LRBA: variants seen among roughly 807,000 people sequenced by gnomAD.
The protein encoded by LRBA is LPS responsive beige-like anchor protein.
LRBA carries 176 observed loss-of-function variants against 330.0 expected under a neutral mutation model. The ratio of observed to expected loss-of-function variants is 0.53; its 90% CI spans 0.47 to 0.60. LRBA has a LOEUF of 0.60. LRBA is among the 20% of genes least tolerant of loss of function. The pLI is 0.00. For missense variants in LRBA, 3,259 were observed against 3,444.8 expected (o/e 0.95, Z 1.35); for synonymous variants, 1,230 against 1,193.0 (o/e 1.03, Z -0.64).
At chr4:150,333,092 TA>T (rs1365893875) in intron 48 of LRBA, among the ~76,000 whole-genome samples, 1 of 152,116 alleles carries the variant, frequency 6.6e-6, no homozygotes, top group Non-Finnish European at 1.5e-5. Context: ...TAAAGGAAAG[TA>T]AACTTGGCTT....
chr4:150,885,396 G>C (rs987576889), intron 17 of LRBA, among the ~76,000 whole-genome samples: 2 of 152,050 alleles, frequency 1.3e-5, no homozygotes, highest in African/African-American at 4.8e-5. Flanking sequence ...TGAGATGGGC[G>C]GGTAATTTGA....
At chr4:150,827,484 C>A (rs1416373397) in intron 30 of LRBA, among the ~76,000 whole-genome samples, 4 of 152,184 alleles carry the variant, frequency 2.6e-5, no homozygotes, top group Non-Finnish European at 5.9e-5. Flanking sequence ...TCAACCTCTT[C>A]TCTTCCTCCT....
At position 150,955,695 on chromosome 4, in the gene LRBA, C is replaced by A. The variant is rs1251844270; in HGVS notation, c.217-26630G>T. On this transcript the variant is annotated intron_variant, in intron 2 of 56. Coordinates refer to ENST00000651943, the MANE Select transcript of LRBA (RefSeq NM_001364905.1). ...TCTCCTGAGGTCAGGAGTTCAAGACCAGCCTGGCCAACATGGTGAAACCCC... is the reference window on the plus strand; with the variant it reads ...TCTCCTGAGGTCAGGAGTTCAAGACAAGCCTGGCCAACATGGTGAAACCCC... Among the ~76,000 whole-genome samples the A allele has an allele frequency of 3.4e-5, 5 of 148,688 alleles. No individual in the cohort carries two copies. In the East Asian group the frequency reaches 9.7e-4, roughly 29 times the overall value.
At chr4:150,447,962 G>T (rs181408285) in intron 44 of LRBA, among the ~76,000 whole-genome samples, 14 of 152,262 alleles carry the variant, frequency 9.2e-5, no homozygotes, top group Non-Finnish European at 1.6e-4. Context: ...GGAGGTCAAA[G>T]AATGCACTAG....
At chr4:150,734,284 TTG>T (rs1385410249) in intron 36 of LRBA, among the ~76,000 whole-genome samples, 3 of 152,056 alleles carry the variant, frequency 2.0e-5, no homozygotes, top group Non-Finnish European at 4.4e-5. Context: ...GTAAACAATT[TTG>T]TAATTCCAGT....
At chr4:150,554,097 T>C (rs751246014) in intron 40 of LRBA, among the ~76,000 whole-genome samples, 1 of 152,174 alleles carries the variant, frequency 6.6e-6, no homozygotes, top group Non-Finnish European at 1.5e-5. Context: ...TGAAGGAGTT[T>C]CTTGTGGGAT....
At chr4:150,721,482 C>CA in intron 36 of LRBA, 1 of 247,238 alleles carries the variant, frequency 4.0e-6, no homozygotes, top group Non-Finnish European at 7.8e-6. Flanking sequence ...CATTTAAGAC[C>CA]AAAAAAGAAA....
At chr4:150,836,483 G>C (rs959257816) in intron 28 of LRBA, among the ~76,000 whole-genome samples, 1 of 152,172 alleles carries the variant, frequency 6.6e-6, no homozygotes, top group African/African-American at 2.4e-5. Flanking sequence ...TTCAGAGCCT[G>C]CTATTGGTCT....
intron 26 of LRBA, among the ~76,000 whole-genome samples, chr4:150,845,202 A>C (rs1013904738): frequency 6.6e-6 from 1 of 152,216 alleles, no homozygotes; most frequent in East Asian, 1.9e-4. Flanking sequence ...CGAGGTAACA[A>C]TCTTCTATTA....
In LRBA at chr4:150,292,367, T is replaced by C. The variant is rs193299421; in HGVS notation, c.8018-6333A>G. Among the ~76,000 whole-genome samples, 70 of 152,340 alleles carry C rather than the reference T, an allele frequency of 4.6e-4. 1 individual carries two copies. The highest frequency in any genetic ancestry group is 3.9e-3 in the Admixed American group (59 of 15,298). On this transcript the variant is annotated intron_variant, in intron 53 of 56. Coordinates refer to ENST00000651943, the MANE Select transcript of LRBA (RefSeq NM_001364905.1). The stretch of plus-strand genomic sequence containing the variant: ...TCTTGGTGTTTTGGCGTCATCTCCT[T>C]ACTCTTATGAAAATCAGATCACTTT...
intron 2 of LRBA, among the ~76,000 whole-genome samples, chr4:150,943,021 G>A (rs1049342279): frequency 6.6e-6 from 1 of 152,064 alleles, no homozygotes; most frequent in Non-Finnish European, 1.5e-5. Context: ...CTACAAAATA[G>A]TCGAAATCTC....
chr4:150,343,237 T>C (rs553904999), intron 48 of LRBA, among the ~76,000 whole-genome samples: 103 of 152,250 alleles, frequency 6.8e-4, no homozygotes, highest in Non-Finnish European at 1.2e-3. Context: ...ATCCTAAAGT[T>C]TTAAAGGAAA....
chr4:150,914,154 TGAAC>T, intron 9 of LRBA, 37 bp downstream of exon 9: 2 of 1,522,044 alleles, frequency 1.3e-6, no homozygotes, highest in Non-Finnish European at 1.8e-6. Context: ...CAAATCAAGC[TGAAC>T]TAACATTGGT....
At chr4:150,824,871 C>T (rs1406181535) in intron 30 of LRBA, among the ~76,000 whole-genome samples, 1 of 152,016 alleles carries the variant, frequency 6.6e-6, no homozygotes, top group Non-Finnish European at 1.5e-5. Context: ...AACTCCTGGG[C>T]TCCAGTGATC....
intron 40 of LRBA, among the ~76,000 whole-genome samples, chr4:150,540,642 C>T (rs1765220032): frequency 1.3e-5 from 2 of 152,132 alleles, no homozygotes; most frequent in South Asian, 4.1e-4. Flanking sequence ...ACAATAGCAA[C>T]TTATACTTTC....
intron 44 of LRBA, among the ~76,000 whole-genome samples, chr4:150,447,739 G>C (rs1390536277): frequency 6.6e-6 from 1 of 152,156 alleles, no homozygotes; most frequent in African/African-American, 2.4e-5. Context: ...GGTAAATATA[G>C]AGTATTTCTT....
At chr4:150,647,243 G>C (rs1779227324) in intron 37 of LRBA, among the ~76,000 whole-genome samples, 1 of 150,712 alleles carries the variant, frequency 6.6e-6, no homozygotes, top group Non-Finnish European at 1.5e-5. Flanking sequence ...TTCTATTTCT[G>C]GGACTATAGC....
At chr4:150,542,768 G>A (rs766094096) in intron 40 of LRBA, among the ~76,000 whole-genome samples, 24 of 151,942 alleles carry the variant, frequency 1.6e-4, no homozygotes, top group Non-Finnish European at 2.6e-4. Flanking sequence ...ATCCAGAATC[G>A]AAAAACAAAC....
chr4:150,894,173 A>C (rs1729801864), intron 16 of LRBA, among the ~76,000 whole-genome samples: 1 of 152,142 alleles, frequency 6.6e-6, no homozygotes, highest in Non-Finnish European at 1.5e-5. Context: ...AATGCTACTA[A>C]ATGTTGCAAA....
Sources: gnomAD v4.1 joint callset for allele counts (sites outside exome capture counted in the v4.1 genomes callset) on GRCh38, gnomAD v4.1.1 for gene constraint, MANE v1.5 for transcripts, NCBI Gene and HGNC (gene_info 2026-07-23, HGNC 2026-07-21) for gene names.